The following SH3KBP1 variants were observed in gnomAD, a reference collection of about 807,000 sequenced individuals.
SH3KBP1 encodes the protein SH3 domain containing kinase binding protein 1.
Under a neutral mutation model 50.1 loss-of-function variants are expected in SH3KBP1, and 8 were observed. The observed-to-expected ratio is 0.16, with a 90% CI of 0.09 to 0.29. The LOEUF (loss-of-function observed/expected upper bound fraction) is 0.29. Among genes scored for constraint, SH3KBP1 ranks in the 10% least tolerant of loss-of-function variants. The probability of loss-of-function intolerance (pLI) is 1.00; values close to 1 mark genes in which losing one functional copy is unlikely to be tolerated. For synonymous variants in SH3KBP1, 227 were observed against 218.6 expected (o/e 1.04, Z -0.34); for missense variants, 377 against 535.2 (o/e 0.70, Z 2.92).
chrX:19,639,928 C>G (rs1354198278), intron 7 of SH3KBP1, among the ~76,000 whole-genome samples: 1 of 63,817 alleles, frequency 1.6e-5, no homozygotes, highest in African/African-American at 5.9e-5. Context: ...TTTTTTTTTT[C>G]CTATTTAAAC....
At chrX:19,638,562 A>T (rs1267062174) in intron 7 of SH3KBP1, among the ~76,000 whole-genome samples, 2 of 111,391 alleles carry the variant, frequency 1.8e-5, no homozygotes, top group Non-Finnish European at 3.8e-5. Flanking sequence ...CATTTCTAAC[A>T]AGTTCCTAGG....
chrX:19,542,487 C>G (rs754479360), intron 15 of SH3KBP1, among the ~76,000 whole-genome samples: 9 of 111,998 alleles, frequency 8.0e-5, no homozygotes, highest in Non-Finnish European at 1.7e-4. Flanking sequence ...ACCACAAACT[C>G]TGAAGTGAAC....
At chrX:19,538,735 C>A (rs2064796262) in intron 16 of SH3KBP1, among the ~76,000 whole-genome samples, 1 of 109,980 alleles carries the variant, frequency 9.1e-6, no homozygotes, top group South Asian at 3.9e-4. Flanking sequence ...TACAGGCACA[C>A]ACCACCATGC....
At chrX:19,729,429 T>G (rs2064310769) in intron 3 of SH3KBP1, among the ~76,000 whole-genome samples, 1 of 112,486 alleles carries the variant, frequency 8.9e-6, no homozygotes, top group Non-Finnish European at 1.9e-5. Context: ...GATGCTTACC[T>G]CTCTTCCTTC....
intron 12 of SH3KBP1, among the ~76,000 whole-genome samples, chrX:19,577,499 G>A (rs2066236492): frequency 9.0e-6 from 1 of 111,185 alleles, no homozygotes; most frequent in South Asian, 3.8e-4. Context: ...TATCCAGAGG[G>A]GCCTGTTCTT....
At chrX:19,760,101 C>CAA (rs199935047) in intron 2 of SH3KBP1, among the ~76,000 whole-genome samples, 1,996 of 103,611 alleles carry the variant, frequency 0.019, 74 homozygotes, top group African/African-American at 0.07. Context: ...CACACACACA[C>CAA]ACTTGGCTGG....
intron 2 of SH3KBP1, among the ~76,000 whole-genome samples, chrX:19,831,565 A>G (rs1238147251): frequency 9.2e-5 from 10 of 108,645 alleles, no homozygotes; most frequent in Admixed American, 8.9e-4. Flanking sequence ...GCCGAGGCAG[A>G]CGGATCACCT....
chrX:19,880,280 C>T (rs2069392087), intron 1 of SH3KBP1, among the ~76,000 whole-genome samples: 1 of 112,859 alleles, frequency 8.9e-6, no homozygotes, highest in South Asian at 3.6e-4. Context: ...CAGAATTGCA[C>T]ACTCACTCCT....
intron 5 of SH3KBP1, among the ~76,000 whole-genome samples, chrX:19,691,008 C>T (rs2063273054): frequency 1.8e-5 from 2 of 112,006 alleles, no homozygotes; most frequent in Non-Finnish European, 1.9e-5. Flanking sequence ...TCCACCTTAA[C>T]ATCATAAGAT....
At chrX:19,670,161 C>T (rs1234950492) in intron 6 of SH3KBP1, among the ~76,000 whole-genome samples, 4 of 111,237 alleles carry the variant, frequency 3.6e-5, no homozygotes, top group Non-Finnish European at 7.5e-5. Flanking sequence ...TTATTTCTAG[C>T]AAACTTTTAT....
chrX:19,827,003 T>TG (rs1311481589), intron 2 of SH3KBP1, among the ~76,000 whole-genome samples: 1 of 112,045 alleles, frequency 8.9e-6, no homozygotes, highest in Non-Finnish European at 1.9e-5. Context: ...AGCTTTATCT[T>TG]GGAGTGGTAC....
In SH3KBP1 at chrX:19,670,839, C is replaced by CAAAAA. The variant is rs397973698; in HGVS notation, c.726+12979_726+12983dup. The CAAAAA allele has an allele frequency of 3.0e-4, 293 of 991,598 alleles. 3 individuals are homozygous for CAAAAA. The highest frequency in any genetic ancestry group is 2.6e-3 in the African/African-American group (75 of 28,945). 81.7% of individuals were successfully genotyped at this position (991,598 alleles called of 1,213,427 possible). ...ACTGGATTTATTACAACTCTAAAAGCAAAAAAAAAAAAAAAGAAATACCTC... is the reference window on the plus strand; with the variant it reads ...ACTGGATTTATTACAACTCTAAAAGCAAAAAAAAAAAAAAAAAAAAGAAATACCTC... On this transcript the variant is annotated intron_variant, in intron 6 of 17. Transcript: ENST00000397821.
At chrX:19,757,650 T>C (rs1350608986) in intron 2 of SH3KBP1, among the ~76,000 whole-genome samples, 1 of 109,792 alleles carries the variant, frequency 9.1e-6, no homozygotes, top group Non-Finnish European at 1.9e-5. Flanking sequence ...GAAAATTGTA[T>C]ACTTCTCAAT....
intron 10 of SH3KBP1, among the ~76,000 whole-genome samples, chrX:19,593,497 A>G (rs2066810045): frequency 9.0e-6 from 1 of 111,161 alleles, no homozygotes; most frequent in Non-Finnish European, 1.9e-5. Flanking sequence ...CCCATTACAA[A>G]GCAGTTCCCA....
intron 3 of SH3KBP1, among the ~76,000 whole-genome samples, chrX:19,729,769 A>G (rs781612464): frequency 2.7e-5 from 3 of 111,768 alleles, no homozygotes; most frequent in Non-Finnish European, 3.8e-5. Flanking sequence ...CAGAGGAAAG[A>G]AGGAAGAAGG....
intron 6 of SH3KBP1, among the ~76,000 whole-genome samples, chrX:19,670,683 G>T (rs67258646): frequency 2.7e-5 from 3 of 109,542 alleles, no homozygotes; most frequent in African/African-American, 1.0e-4. Flanking sequence ...TACTTGATAG[G>T]TTCCTCCTCA....
chrX:19,699,689 C>T (rs761168600), intron 4 of SH3KBP1, among the ~76,000 whole-genome samples: 20 of 112,194 alleles, frequency 1.8e-4, no homozygotes, highest in Non-Finnish European at 1.5e-4. Flanking sequence ...CAATCAACAG[C>T]ATCTAAGTGG....
At chrX:19,613,152 T>C (rs1381524608) in intron 8 of SH3KBP1, among the ~76,000 whole-genome samples, 1 of 111,706 alleles carries the variant, frequency 9.0e-6, no homozygotes, top group Non-Finnish European at 1.9e-5. Flanking sequence ...ACGGTAGAAG[T>C]TGAGTGAAGG....
At chrX:19,571,196 G>A (rs1481186262) in intron 12 of SH3KBP1, among the ~76,000 whole-genome samples, 1 of 112,293 alleles carries the variant, frequency 8.9e-6, no homozygotes, top group Non-Finnish European at 1.9e-5. Context: ...CTGGGAGTGT[G>A]TGCTATGATG....
Sources: gnomAD v4.1 joint callset for allele counts (sites outside exome capture counted in the v4.1 genomes callset) on GRCh38, gnomAD v4.1.1 for gene constraint, MANE v1.5 for transcripts, NCBI Gene and HGNC (gene_info 2026-07-23, HGNC 2026-07-21) for gene names.